The following CLSTN2 variants were observed in gnomAD, a reference collection of about 807,000 sequenced individuals.
CLSTN2 encodes the protein calsyntenin 2.
A neutral mutation model predicts 101.2 loss-of-function variants in CLSTN2; 48 were observed. That is an observed-to-expected ratio of 0.47 (90% confidence interval 0.38 to 0.60). The LOEUF is 0.60. Among genes scored for constraint, CLSTN2 ranks in the 20% least tolerant of loss-of-function variants. The probability of loss-of-function intolerance (pLI) is 0.00; values close to 1 mark genes in which losing one functional copy is unlikely to be tolerated. For synonymous variants in CLSTN2, 481 were observed against 463.6 expected, an observed-to-expected ratio of 1.04 and a Z score of -0.48; for missense variants, 1,160 against 1,238.2, an observed-to-expected ratio of 0.94 and a Z score of 0.95.
intron 16 of CLSTN2, 44 bp from the exon 17 acceptor site, chr3:140,566,009 G>A: frequency 6.2e-7 from 1 of 1,612,134 alleles, no homozygotes; most frequent in Non-Finnish European, 8.5e-7. Context: ...AATGGCCTCT[G>A]TTCAGCCCCT....
chr3:140,169,588 A>G (rs969292367), intron 1 of CLSTN2, among the ~76,000 whole-genome samples: 6 of 152,184 alleles, frequency 3.9e-5, no homozygotes, highest in African/African-American at 1.4e-4. Context: ...TAAGTATGAT[A>G]TTAGCTATAG....
intron 1 of CLSTN2, among the ~76,000 whole-genome samples, chr3:140,019,532 T>C (rs1458328301): frequency 6.6e-6 from 1 of 152,250 alleles, no homozygotes; most frequent in East Asian, 1.9e-4. Context: ...TCTGTTTCTC[T>C]GGAAAACCCA....
chr3:140,562,026 T>A lies in CLSTN2; in HGVS notation c.2042-112T>A. The A allele has an allele frequency of 3.3e-6, 3 of 904,410 alleles. No individual in the cohort carries two copies. The East Asian group carries it at 7.5e-5, about 23-fold the overall frequency. The allele number at this position is 904,410 out of a possible 1,614,324, so 56.0% of individuals were successfully genotyped here. A position where few individuals can be genotyped will look rare whatever the true frequency, so the allele number is the denominator to read the frequency against. ...GTATTTGGGATCACACAGACTCTGC[T>A]CCTGACCCAGCCTTAACCTGGGGTG... On this transcript the variant is annotated intron_variant, in intron 12 of 16. Transcript: ENST00000458420.
chr3:140,405,156 A>G (rs767920814), intron 4 of CLSTN2, among the ~76,000 whole-genome samples: 4 of 151,958 alleles, frequency 2.6e-5, no homozygotes, highest in Non-Finnish European at 5.9e-5. Flanking sequence ...TACCAGCCCT[A>G]TTGCCTCTAG....
chr3:140,562,405 T>C (rs1935935481), intron 13 of CLSTN2, 97 bp downstream of exon 13: 4 of 1,219,060 alleles, frequency 3.3e-6, no homozygotes, highest in East Asian at 2.4e-5. Flanking sequence ...GAAGGAGCAC[T>C]GTGAAGCCCC....
intron 5 of CLSTN2, among the ~76,000 whole-genome samples, chr3:140,434,913 T>A (rs910872904): frequency 9.2e-5 from 14 of 152,316 alleles, no homozygotes; most frequent in East Asian, 3.9e-4. Flanking sequence ...AAAATTTTTT[T>A]AAATTATTTT....
At chr3:139,936,990 G>T (rs1372888841) in intron 1 of CLSTN2, among the ~76,000 whole-genome samples, 1 of 151,916 alleles carries the variant, frequency 6.6e-6, no homozygotes, top group African/African-American at 2.4e-5. Flanking sequence ...AAGGGATCAA[G>T]CTGAGAGACT....
chr3:140,396,368 A>T (rs1229601365), intron 2 of CLSTN2, among the ~76,000 whole-genome samples: 1 of 152,170 alleles, frequency 6.6e-6, no homozygotes, highest in African/African-American at 2.4e-5. Flanking sequence ...CATTCAAAAT[A>T]TTTCTGATGT....
intron 5 of CLSTN2, among the ~76,000 whole-genome samples, chr3:140,443,755 T>C (rs1933015884): frequency 6.6e-6 from 1 of 152,208 alleles, no homozygotes; most frequent in South Asian, 2.1e-4. Context: ...ATACCGAGCC[T>C]TCATTGGAAG....
At chr3:140,006,076 A>G (rs933058673) in intron 1 of CLSTN2, among the ~76,000 whole-genome samples, 3 of 152,210 alleles carry the variant, frequency 2.0e-5, no homozygotes, top group African/African-American at 7.2e-5. Context: ...ATTCAATATA[A>G]TATACATGTT....
intron 1 of CLSTN2, among the ~76,000 whole-genome samples, chr3:140,126,557 G>T (rs779919611): frequency 6.6e-6 from 1 of 152,102 alleles, no homozygotes; most frequent in African/African-American, 2.4e-5. Context: ...AATTTGATTT[G>T]ATATTCTCCA....
At chr3:140,412,804 AAAG>A (rs1250424962) in intron 4 of CLSTN2, among the ~76,000 whole-genome samples, 19 of 152,362 alleles carry the variant, frequency 1.2e-4, no homozygotes, top group Non-Finnish European at 2.6e-4. Context: ...CAAATGGGTC[AAAG>A]AAGAAATCAA....
Position 140,566,531 on chromosome 3 carries a change from G to A in CLSTN2, c.*278G>A, listed in dbSNP as rs1034491168. 1 of 473,182 alleles carries A rather than the reference G, an allele frequency of 2.1e-6. No individual in the cohort carries two copies. Among genetic ancestry groups the A allele is most frequent in the African/African-American group, 1.9e-5 (1 of 51,674 alleles). 29.3% of individuals were successfully genotyped at this position (473,182 alleles called of 1,614,324 possible). A position where few individuals can be genotyped will look rare whatever the true frequency, so the allele number is the denominator to read the frequency against. On this transcript the variant is annotated 3_prime_UTR_variant, in exon 17 of 17. Transcript: ENST00000458420. ...AAGTTCCCCAGCATCCTGACTACCT[G>A]TCTGCAGAGTTTGCCTTTGTTTTTT...
At chr3:139,952,411 C>G (rs540353122) in intron 1 of CLSTN2, among the ~76,000 whole-genome samples, 12 of 152,200 alleles carry the variant, frequency 7.9e-5, no homozygotes, top group Non-Finnish European at 1.6e-4. Context: ...GCCCACTCTT[C>G]TGACTTGACT....
Position 140,004,367 on chromosome 3 carries a change from T to C in CLSTN2, c.109+68884T>C, listed in dbSNP as rs115095047. The stretch of plus-strand genomic sequence containing the variant: ...GACAGGTGCCATCTGGAGAGCCCTC[T>C]AGGTGAGGTGCAGGCATTGATTAGG... On this transcript the variant is annotated intron_variant, in intron 1 of 16. Coordinates refer to ENST00000458420, the MANE Select transcript of CLSTN2 (RefSeq NM_022131.3). Among the ~76,000 whole-genome samples the C allele has an allele frequency of 1.9e-3, 295 of 152,290 alleles. 2 individuals are homozygous for C. Among genetic ancestry groups the C allele is most frequent in the African/African-American group, 6.7e-3 (280 of 41,562 alleles).
At chr3:140,316,238 G>A (rs2087230146) in intron 2 of CLSTN2, among the ~76,000 whole-genome samples, 1 of 152,186 alleles carries the variant, frequency 6.6e-6, no homozygotes, top group African/African-American at 2.4e-5. Context: ...CAGGAGGCTG[G>A]CATGAGGAAT....
At chr3:140,357,216 C>A (rs969558652) in intron 2 of CLSTN2, among the ~76,000 whole-genome samples, 1 of 152,170 alleles carries the variant, frequency 6.6e-6, no homozygotes, top group African/African-American at 2.4e-5. Context: ...TTTCATTTTT[C>A]TTAAATTGCC....
chr3:140,020,886 G>A (rs1358937585), intron 1 of CLSTN2, among the ~76,000 whole-genome samples: 1 of 152,204 alleles, frequency 6.6e-6, no homozygotes, highest in East Asian at 1.9e-4. Context: ...TTTACACAGA[G>A]GCTTGGCAGA....
rs1985716354 is a variant in CLSTN2, at chr3:140,575,864, T to C, written c.*9611T>C. On this transcript the variant is annotated 3_prime_UTR_variant, in exon 17 of 17. Coordinates refer to ENST00000458420, the MANE Select transcript of CLSTN2 (RefSeq NM_022131.3). ...TACACATACCCCAAAGCCATATACA[T>C]ATCTATAATACAGAAGTAAGAATAA... 1 of 152,172 alleles carries C rather than the reference T, an allele frequency of 6.6e-6. No homozygotes were observed. The allele number at this position is 152,172 out of a possible 1,614,324, so 9.4% of individuals were successfully genotyped here.
Sources: gnomAD v4.1 joint callset for allele counts (sites outside exome capture counted in the v4.1 genomes callset) on GRCh38, gnomAD v4.1.1 for gene constraint, MANE v1.5 for transcripts, NCBI Gene and HGNC (gene_info 2026-07-23, HGNC 2026-07-21) for gene names.